SETDB1: variants seen among roughly 807,000 people sequenced by gnomAD.
SETDB1 encodes SET domain bifurcated histone lysine methyltransferase 1.
A neutral mutation model predicts 137.4 loss-of-function variants in SETDB1; 31 were observed. The ratio of observed to expected loss-of-function variants is 0.23; its 90% CI spans 0.17 to 0.30. The LOEUF (loss-of-function observed/expected upper bound fraction) is 0.30. Among genes scored for constraint, SETDB1 ranks in the 10% least tolerant of loss-of-function variants. The pLI is 1.00. For synonymous variants in SETDB1, 548 were observed against 579.9 expected (o/e 0.95, Z 0.79); for missense variants, 1,113 against 1,631.5 (o/e 0.68, Z 5.47).
chr1:150,946,574 G>A (rs938975056), intron 9 of SETDB1, among the ~76,000 whole-genome samples: 4 of 151,676 alleles, frequency 2.6e-5, no homozygotes, highest in South Asian at 2.1e-4. Flanking sequence ...TCAGCCTCCC[G>A]AGTAACTGGG....
chr1:150,963,123 C>T lies in SETDB1; in HGVS notation c.3444C>T (p.Asp1148=). ...GCTCTGAAGGGGATGACTTTGAGGA[C>T]AAGAAGAACATGACTGGTAGCCTGG... ...SSGSEGDDFE[D]KKNMTGPMKR... The change falls in exon 19 of 22, where the codon GAC becomes GAT. Residue 1148 remains aspartate, a synonymous_variant. Coordinates refer to ENST00000692827, the MANE Select transcript of SETDB1 (RefSeq NM_001366418.1). The T allele has an allele frequency of 2.5e-6, 4 of 1,613,274 alleles. No individual in the cohort carries two copies. Among genetic ancestry groups the T allele is most frequent in the Non-Finnish European group, 3.4e-6 (4 of 1,179,520 alleles).
At chr1:150,945,206 C>A in intron 9 of SETDB1, 98 bp downstream of exon 9, 1 of 1,551,316 alleles carries the variant, frequency 6.4e-7, no homozygotes, top group East Asian at 2.4e-5. Flanking sequence ...CATAGCCTTC[C>A]TCTTTCTTAT....
intron 12 of SETDB1, among the ~76,000 whole-genome samples, chr1:150,949,850 G>A (rs1670444193): frequency 6.6e-6 from 1 of 152,168 alleles, no homozygotes; most frequent in South Asian, 2.1e-4. Context: ...TTTAGAACAC[G>A]CAGCAGACCA....
At chr1:150,930,170 G>T in intron 3 of SETDB1, 52 bp downstream of exon 3, 1 of 1,445,690 alleles carries the variant, frequency 6.9e-7, no homozygotes, top group Non-Finnish European at 9.6e-7. Flanking sequence ...TTGAAACACT[G>T]GAAGATGAGC....
chr1:150,960,696 T>C lies in SETDB1; in HGVS notation c.2637T>C (p.Ser879=). 6.2e-7 allele frequency: 1 copy of C among 1,612,240 alleles called. No individual in the cohort carries two copies. The highest frequency in any genetic ancestry group is 8.5e-7 in the Non-Finnish European group (1 of 1,179,188). The change falls in exon 16 of 22, where the codon TCT becomes TCC. Residue 879 remains serine (S), a synonymous_variant. Transcript: ENST00000692827. ...ATGAGAGTGATGCCCCCTGTTCCTC[T>C]GACAGCAGTGGTGTAGACTTGAAGG... ...EGYESDAPCS[S]DSSGVDLKDQ...
intron 3 of SETDB1, among the ~76,000 whole-genome samples, chr1:150,931,039 C>T (rs1669719069): frequency 6.6e-6 from 1 of 151,574 alleles, no homozygotes; most frequent in South Asian, 2.1e-4. Context: ...GTGGGAGGAT[C>T]CCCTGATCCC....
At chr1:150,939,686 C>T (rs903489298) in intron 3 of SETDB1, among the ~76,000 whole-genome samples, 8 of 151,976 alleles carry the variant, frequency 5.3e-5, no homozygotes, top group African/African-American at 1.9e-4. Flanking sequence ...GAACTGGCCT[C>T]AGTCAGTCCT....
intron 10 of SETDB1, 112 bp downstream of exon 10, chr1:150,947,124 A>G: frequency 2.4e-6 from 3 of 1,270,036 alleles, no homozygotes; most frequent in Middle Eastern, 2.2e-4. Context: ...CTCATTGGAA[A>G]CAGGATATGT....
intron 3 of SETDB1, among the ~76,000 whole-genome samples, chr1:150,939,136 G>A (rs1271440234): frequency 6.6e-6 from 1 of 151,654 alleles, no homozygotes; most frequent in Admixed American, 6.6e-5. Flanking sequence ...TAATAGAGAA[G>A]GGGTTTGGTT....
chr1:150,943,112 C>G, intron 7 of SETDB1, 59 bp downstream of exon 7: 1 of 1,230,604 alleles, frequency 8.1e-7, no homozygotes, highest in Non-Finnish European at 1.2e-6. Context: ...CTGCCCTGTT[C>G]GTGCCATAGA....
At chr1:150,939,906 C>G in intron 3 of SETDB1, 34 bp from the exon 4 acceptor site, 2 of 1,573,362 alleles carry the variant, frequency 1.3e-6, no homozygotes, top group Non-Finnish European at 1.7e-6. Flanking sequence ...CTGTGTAAGT[C>G]TCTGACACTC....
At chr1:150,930,530 T>TTC (rs1558010168) in intron 3 of SETDB1, 1 of 129,140 alleles carries the variant, frequency 7.7e-6, no homozygotes, top group Non-Finnish European at 1.6e-5. Flanking sequence ...TTTTTTTTTT[T>TTC]TTTTTTTTTT....
chr1:150,939,872 G>A, intron 3 of SETDB1, 68 bp from the exon 4 acceptor site: 1 of 1,155,192 alleles, frequency 8.7e-7, no homozygotes, highest in East Asian at 2.4e-5. Context: ...GAGTAAGTTA[G>A]TTCTTAATTT....
At chr1:150,933,603 C>T (rs2102651942) in intron 3 of SETDB1, among the ~76,000 whole-genome samples, 1 of 134,472 alleles carries the variant, frequency 7.4e-6, no homozygotes, top group Non-Finnish European at 1.6e-5. Flanking sequence ...TCTTAAACTT[C>T]TGACCTTAGG....
Position 150,942,659 on chromosome 1 carries a change from A to G in SETDB1, c.644A>G (p.Lys215Arg). Residue 215 changes from lysine to arginine, a missense_variant, in exon 6 of 22, where the codon AAA (lysine) becomes AGA (arginine). Coordinates refer to ENST00000692827, the MANE Select transcript of SETDB1 (RefSeq NM_001366418.1). ...AAGAAGAGAACTAAGACTTGGCACA[A>G]AGGCACCCTTATTGCCATCCAGACA... is the stretch of plus-strand genomic sequence containing the variant. ...LGKKRTKTWH[K>R]GTLIAIQTVG... The G allele has an allele frequency of 6.2e-7, 1 of 1,613,698 alleles. No individual in the cohort carries two copies. The highest frequency in any genetic ancestry group is 8.5e-7 in the Non-Finnish European group (1 of 1,179,894).
intron 1 of SETDB1, among the ~76,000 whole-genome samples, chr1:150,927,236 C>T (rs1669555738): frequency 6.6e-6 from 1 of 152,200 alleles, no homozygotes; most frequent in South Asian, 2.1e-4. Context: ...AGCGATCCTC[C>T]CACTTCAGCC....
At chr1:150,928,340 G>T in intron 2 of SETDB1, 2 of 199,414 alleles carry the variant, frequency 1.0e-5, no homozygotes, top group Admixed American at 5.4e-5. Context: ...CAAAGTTTAT[G>T]GTCAAAAATC....
chr1:150,951,331 C>G lies in SETDB1; in HGVS notation c.2217-34C>G, dbSNP rs746909536. 3 of 1,453,266 alleles carry G rather than the reference C, an allele frequency of 2.1e-6. No individual in the cohort carries two copies. In the East Asian group the frequency reaches 6.8e-5, roughly 33 times the overall value. The allele number at this position is 1,453,266 out of a possible 1,614,324, so 90.0% of individuals were successfully genotyped here. ...GTGTTATTTTTGTTCTCTGATCCCC[C>G]CGCTCCTTTCCTTTATTTCCCTCTG... On this transcript the variant is annotated intron_variant, in intron 13 of 21. Coordinates refer to ENST00000692827, the MANE Select transcript of SETDB1 (RefSeq NM_001366418.1).
intron 2 of SETDB1, among the ~76,000 whole-genome samples, chr1:150,929,247 C>T (rs1463588022): frequency 6.6e-6 from 1 of 152,224 alleles, no homozygotes; most frequent in Non-Finnish European, 1.5e-5. Flanking sequence ...ACATCCTCTC[C>T]AGCACCTGTT....
Sources: gnomAD v4.1 joint callset for allele counts (sites outside exome capture counted in the v4.1 genomes callset) on GRCh38, gnomAD v4.1.1 for gene constraint, MANE v1.5 for transcripts, NCBI Gene and HGNC (gene_info 2026-07-23, HGNC 2026-07-21) for gene names.